Variants in MAPKAP1 observed in about 807,000 individuals in gnomAD.
MAPKAP1 encodes target of rapamycin complex 2 subunit MAPKAP1.
A neutral mutation model predicts 65.7 loss-of-function variants in MAPKAP1; 20 were observed. That is an observed-to-expected ratio of 0.30 (90% CI 0.21 to 0.44). The LOEUF is 0.44. Ranked by LOEUF, MAPKAP1 falls within the 20% of genes least tolerant of loss-of-function variation. The pLI, the probability that MAPKAP1 is intolerant of heterozygous loss-of-function variation, is 1.00. For synonymous variants in MAPKAP1, 222 were observed against 244.3 expected (o/e 0.91, Z 0.85); for missense variants, 423 against 648.0 (o/e 0.65, Z 3.77).
At position 125,570,512 on chromosome 9, in the gene MAPKAP1, G is replaced by A. The variant is rs559825040; in HGVS notation, c.672-10703C>T. On this transcript the variant is annotated intron_variant, in intron 5 of 11. Coordinates refer to ENST00000265960, the MANE Select transcript of MAPKAP1 (RefSeq NM_001006617.3). ...CTGGTGTGTCCTAGTGTATCTAGGAGCAGTACACTGCTCCACACCTAGTGT... is the reference window on the plus strand; with the variant it reads ...CTGGTGTGTCCTAGTGTATCTAGGAACAGTACACTGCTCCACACCTAGTGT... Among the ~76,000 whole-genome samples the A allele has an allele frequency of 3.3e-5, 5 of 152,268 alleles. No individual in the cohort carries two copies. The South Asian group carries it at 8.3e-4, about 25-fold the overall frequency.
chr9:125,649,586 A>G (rs1390272208), intron 4 of MAPKAP1, among the ~76,000 whole-genome samples: 1 of 152,082 alleles, frequency 6.6e-6, no homozygotes, highest in Non-Finnish European at 1.5e-5. Context: ...GCCAGTTTCA[A>G]GGCTGGCTGA....
rs867493838 is a variant in MAPKAP1, at chr9:125,439,075, G to A, written c.1444-63C>T. On this transcript the variant is annotated intron_variant, in intron 11 of 11. Transcript: ENST00000265960. The surrounding 1 kb of genome is among the most constrained non-coding windows in gnomAD (Gnocchi z 4.0). ...CCGCTCCCTACCCACCCAGGGCATC[G>A]GAGGGGGTGGCAGGGAAGGCCCTGA... The A allele has an allele frequency of 3.0e-5, 48 of 1,590,234 alleles. No individual in the cohort carries two copies. Among genetic ancestry groups the A allele is most frequent in the South Asian group, 6.8e-5 (6 of 87,956 alleles).
intron 5 of MAPKAP1, among the ~76,000 whole-genome samples, chr9:125,577,750 C>A (rs868449545): frequency 7.3e-5 from 10 of 137,554 alleles, no homozygotes; most frequent in African/African-American, 2.4e-4. Context: ...CCTGGCCGCC[C>A]CTACTGGGAA....
chr9:125,537,946 C>T (rs757069017), intron 7 of MAPKAP1, among the ~76,000 whole-genome samples: 2 of 152,112 alleles, frequency 1.3e-5, no homozygotes, highest in Non-Finnish European at 2.9e-5. Flanking sequence ...TCCGCACCTC[C>T]CCATGGCCTT....
intron 4 of MAPKAP1, among the ~76,000 whole-genome samples, chr9:125,626,730 CA>C (rs1446288420): frequency 6.6e-6 from 1 of 152,172 alleles, no homozygotes; most frequent in Non-Finnish European, 1.5e-5. Flanking sequence ...CCAGATTTAC[CA>C]ATAATAAAGT....
chr9:125,675,056 C>T (rs576981725), intron 1 of MAPKAP1, among the ~76,000 whole-genome samples: 69 of 152,272 alleles, frequency 4.5e-4, no homozygotes, highest in African/African-American at 1.6e-3. Context: ...ATACACCACA[C>T]ATTTATTTAT....
At chr9:125,443,477 G>T (rs73591512) in intron 11 of MAPKAP1, among the ~76,000 whole-genome samples, 2,087 of 152,224 alleles carry the variant, frequency 0.014, 46 homozygotes, top group African/African-American at 0.047. Context: ...CTCTGCTTGG[G>T]AGAGGCTGAG....
chr9:125,578,971 T>C (rs1831534137), intron 5 of MAPKAP1, among the ~76,000 whole-genome samples: 1 of 152,292 alleles, frequency 6.6e-6, no homozygotes, highest in Admixed American at 6.5e-5. Flanking sequence ...AGCAGCCAAA[T>C]ATACATAAAT....
At chr9:125,643,614 C>T (rs1833642700) in intron 4 of MAPKAP1, among the ~76,000 whole-genome samples, 2 of 152,104 alleles carry the variant, frequency 1.3e-5, no homozygotes, top group South Asian at 4.1e-4. Context: ...GGATACTATG[C>T]CATAATTTAT....
chr9:125,666,785 G>C (rs1424443103), intron 3 of MAPKAP1, among the ~76,000 whole-genome samples: 1 of 152,200 alleles, frequency 6.6e-6, no homozygotes, highest in Non-Finnish European at 1.5e-5. Flanking sequence ...TTAGTGGACT[G>C]CTGATTCCAC....
intron 7 of MAPKAP1, among the ~76,000 whole-genome samples, chr9:125,528,707 C>A (rs780626449): frequency 2.0e-5 from 3 of 151,104 alleles, no homozygotes; most frequent in Non-Finnish European, 2.9e-5. Context: ...ATTAGCTGGG[C>A]GTGGTGGCAC....
chr9:125,530,536 G>A (rs1829905014), intron 7 of MAPKAP1, among the ~76,000 whole-genome samples: 1 of 152,128 alleles, frequency 6.6e-6, no homozygotes. Flanking sequence ...AGAATCTTTG[G>A]CATAGGAAAT....
At chr9:125,581,924 G>A (rs1333837890) in intron 5 of MAPKAP1, among the ~76,000 whole-genome samples, 1 of 151,810 alleles carries the variant, frequency 6.6e-6, no homozygotes, top group Non-Finnish European at 1.5e-5. Context: ...CTTCAGTTCT[G>A]GGAAATTCTT....
chr9:125,528,537 G>A (rs1829838726), intron 7 of MAPKAP1, among the ~76,000 whole-genome samples: 1 of 152,128 alleles, frequency 6.6e-6, no homozygotes, highest in Non-Finnish European at 1.5e-5. Flanking sequence ...AGGACTCAAG[G>A]AAGTCTTTTC....
At chr9:125,693,828 CACAT>C (rs1260495832) in intron 1 of MAPKAP1, among the ~76,000 whole-genome samples, 137 of 109,062 alleles carry the variant, frequency 1.3e-3, no homozygotes, top group Non-Finnish European at 1.8e-3. Flanking sequence ...TACACACACA[CACAT>C]ATATATACAC....
chr9:125,515,807 G>C (rs1484304329), intron 7 of MAPKAP1, among the ~76,000 whole-genome samples: 1 of 152,202 alleles, frequency 6.6e-6, no homozygotes, highest in Non-Finnish European at 1.5e-5. Context: ...GGGCCGGCCA[G>C]AAGATGAGGA....
rs1420825063 is a variant in MAPKAP1 at position 125,438,042 on chromosome 9, G to C, written c.*845C>G. ...TGGCCCCTTCCAAGGCAGCGAAGCA[G>C]AGAACATGCAGGTGGAACTGCCAGC... On this transcript the variant is annotated 3_prime_UTR_variant, in exon 12 of 12. Coordinates refer to ENST00000265960, the MANE Select transcript of MAPKAP1 (RefSeq NM_001006617.3). 3 of 256,954 alleles carry C rather than the reference G, an allele frequency of 1.2e-5. No individual in the cohort carries two copies. The highest frequency in any genetic ancestry group is 2.2e-5 in the Non-Finnish European group (3 of 136,620). The allele number at this position is 256,954 out of a possible 1,614,324, so 15.9% of individuals were successfully genotyped here. A position where few individuals can be genotyped will look rare whatever the true frequency, so the allele number is the denominator to read the frequency against.
intron 5 of MAPKAP1, among the ~76,000 whole-genome samples, chr9:125,574,019 C>G (rs1351151021): frequency 6.6e-6 from 1 of 152,204 alleles, no homozygotes; most frequent in Non-Finnish European, 1.5e-5. Flanking sequence ...ACTGTATACC[C>G]AGCAAAATGC....
intron 1 of MAPKAP1, among the ~76,000 whole-genome samples, chr9:125,679,205 T>A (rs1834747291): frequency 6.6e-6 from 1 of 152,198 alleles, no homozygotes; most frequent in Non-Finnish European, 1.5e-5. Context: ...TTTCACTATG[T>A]TGGCCAGGCT....
Sources: allele counts gnomAD v4.1 joint callset (sites outside exome capture counted in the v4.1 genomes callset), GRCh38; gene constraint gnomAD v4.1.1; non-coding constraint Gnocchi (gnomAD v3.1); transcripts MANE v1.5; gene names NCBI Gene and HGNC (gene_info 2026-07-23, HGNC 2026-07-21).